Variants in TTC28 observed in about 807,000 individuals in gnomAD.
TTC28 encodes the protein tetratricopeptide repeat protein 28.
Under a neutral mutation model 198.0 loss-of-function variants are expected in TTC28, and 61 were observed. The observed-to-expected ratio is 0.31, with a 90% CI of 0.25 to 0.38. The LOEUF (loss-of-function observed/expected upper bound fraction) is 0.38, where lower values mean the gene tolerates loss of function less well. Among genes scored for constraint, TTC28 ranks in the 10% least tolerant of loss-of-function variants. TTC28 has a pLI of 1.00. For missense variants in TTC28, 2,678 were observed against 3,164.0 expected (o/e 0.85, Z 3.69); for synonymous variants, 1,171 against 1,297.8 (o/e 0.90, Z 2.10).
intron 6 of TTC28, among the ~76,000 whole-genome samples, chr22:28,132,241 T>C (rs1815290477): frequency 6.6e-6 from 1 of 152,244 alleles, no homozygotes; most frequent in Admixed American, 6.5e-5. Context: ...TTATGCATTA[T>C]CAGATTTGTA....
At chr22:28,479,470 A>G (rs908458208) in intron 2 of TTC28, among the ~76,000 whole-genome samples, 38 of 152,324 alleles carry the variant, frequency 2.5e-4, no homozygotes, top group African/African-American at 8.9e-4. Flanking sequence ...ATAAAAATCC[A>G]TCTAATCACA....
chr22:28,567,010 T>C (rs1418805213), intron 2 of TTC28, among the ~76,000 whole-genome samples: 1 of 151,608 alleles, frequency 6.6e-6, no homozygotes, highest in Admixed American at 6.6e-5. Flanking sequence ...AGGTCAGGAG[T>C]TCGAGACCAG....
intron 2 of TTC28, among the ~76,000 whole-genome samples, chr22:28,497,334 TA>T (rs780798162): frequency 3.9e-5 from 6 of 152,126 alleles, no homozygotes; most frequent in Non-Finnish European, 8.8e-5. Context: ...TTCTTAACAC[TA>T]GGGGGAAAAT....
At chr22:28,050,498 GA>G (rs889713634) in intron 12 of TTC28, among the ~76,000 whole-genome samples, 1 of 152,184 alleles carries the variant, frequency 6.6e-6, no homozygotes, top group Non-Finnish European at 1.5e-5. Context: ...AAGGTCTCTG[GA>G]AAGAACATTT....
chr22:28,291,644 T>C (rs900609261), intron 5 of TTC28, among the ~76,000 whole-genome samples: 1 of 152,192 alleles, frequency 6.6e-6, no homozygotes, highest in East Asian at 1.9e-4. Context: ...GAGCAATCAG[T>C]AATAAGTATA....
intron 3 of TTC28, among the ~76,000 whole-genome samples, chr22:28,304,545 T>G (rs2145803995): frequency 1.3e-5 from 2 of 152,310 alleles, no homozygotes; most frequent in South Asian, 4.1e-4. Context: ...AGTAAGAAGC[T>G]GCTTTCTCCA....
chr22:28,162,976 A>G, intron 6 of TTC28, 116 bp downstream of exon 6: 1 of 1,301,622 alleles, frequency 7.7e-7, no homozygotes, highest in Non-Finnish European at 1.0e-6. Flanking sequence ...AGCACACACA[A>G]TAAGGATATT....
At chr22:28,335,750 G>A (rs1379436222) in intron 2 of TTC28, among the ~76,000 whole-genome samples, 5 of 152,136 alleles carry the variant, frequency 3.3e-5, no homozygotes, top group Non-Finnish European at 5.9e-5. Flanking sequence ...TGAGATGATG[G>A]GGTTTTCTAG....
intron 5 of TTC28, among the ~76,000 whole-genome samples, chr22:28,201,950 G>A (rs1226904135): frequency 1.3e-5 from 2 of 152,060 alleles, no homozygotes; most frequent in Non-Finnish European, 2.9e-5. Flanking sequence ...CAGAGCTTCA[G>A]AAGCCAAATG....
chr22:28,043,582 A>G (rs1939750406), intron 12 of TTC28, among the ~76,000 whole-genome samples: 1 of 152,102 alleles, frequency 6.6e-6, no homozygotes, highest in African/African-American at 2.4e-5. Flanking sequence ...CTGAGCAGTG[A>G]TGAGAACCAG....
chr22:27,989,860 C>A lies in TTC28; in HGVS notation c.5707+18G>T. On this transcript the variant is annotated intron_variant, in intron 21 of 22. Transcript: ENST00000397906. ...ATGGAATTCAAGAACCCATTTAAGT[C>A]AAGGATTCTCTGCCTACCTAGAGCT... The A allele has an allele frequency of 6.5e-7, 1 of 1,543,726 alleles. No homozygotes were observed. Among genetic ancestry groups the A allele is most frequent in the South Asian group, 1.2e-5 (1 of 83,564 alleles).
intron 2 of TTC28, among the ~76,000 whole-genome samples, chr22:28,385,986 G>C (rs1658337579): frequency 6.6e-6 from 1 of 152,066 alleles, no homozygotes; most frequent in Admixed American, 6.6e-5. Context: ...CTATAAGAAG[G>C]CTTCACCAGG....
At chr22:28,161,414 AC>A (rs1921163753) in intron 6 of TTC28, among the ~76,000 whole-genome samples, 1 of 152,132 alleles carries the variant, frequency 6.6e-6, no homozygotes, top group Admixed American at 6.5e-5. Flanking sequence ...GCTGATGCCC[AC>A]CATGGGCAGG....
intron 2 of TTC28, among the ~76,000 whole-genome samples, chr22:28,451,147 C>T (rs1733703434): frequency 1.3e-5 from 2 of 152,160 alleles, no homozygotes; most frequent in South Asian, 2.1e-4. Context: ...CTCCACAAGG[C>T]AAAGTGGGAG....
intron 1 of TTC28, among the ~76,000 whole-genome samples, chr22:28,633,277 T>A (rs1356150960): frequency 7.1e-6 from 1 of 140,172 alleles, no homozygotes; most frequent in Non-Finnish European, 1.5e-5. Context: ...CAAGACTCTG[T>A]CTCAAAAAAA....
intron 5 of TTC28, among the ~76,000 whole-genome samples, chr22:28,215,656 G>A (rs1927332970): frequency 6.6e-6 from 1 of 152,202 alleles, no homozygotes; most frequent in Middle Eastern, 3.4e-3. Flanking sequence ...GAGAGAGGAT[G>A]TGTTTGTGAA....
At chr22:28,363,268 C>T (rs1053155514) in intron 2 of TTC28, among the ~76,000 whole-genome samples, 9 of 152,194 alleles carry the variant, frequency 5.9e-5, no homozygotes, top group African/African-American at 1.9e-4. Flanking sequence ...GGCCAGAGTA[C>T]AGCTCAGGCT....
chr22:28,434,729 C>T lies in TTC28; in HGVS notation c.382-128086G>A, dbSNP rs533021746. ...CTAATACTCCTGGATTTCATCCTTC[C>T]CTACTCCCCTCTACCATCTTTATAG... On this transcript the variant is annotated intron_variant, in intron 2 of 22. Transcript: ENST00000397906. Among the ~76,000 whole-genome samples the T allele has an allele frequency of 1.2e-4, 19 of 152,292 alleles. 1 individual carries two copies. The South Asian group carries it at 2.3e-3, about 18-fold the overall frequency.
At chr22:28,425,283 A>G (rs1230019590) in intron 2 of TTC28, among the ~76,000 whole-genome samples, 1 of 152,222 alleles carries the variant, frequency 6.6e-6, no homozygotes, top group Non-Finnish European at 1.5e-5. Flanking sequence ...TATTATACAA[A>G]TGTCAAATGA....
Sources: gnomAD v4.1 joint callset for allele counts (sites outside exome capture counted in the v4.1 genomes callset) on GRCh38, gnomAD v4.1.1 for gene constraint, MANE v1.5 for transcripts, NCBI Gene and HGNC (gene_info 2026-07-23, HGNC 2026-07-21) for gene names.